The following PIK3CA variants were observed in gnomAD, a reference collection of about 807,000 sequenced individuals.
PIK3CA encodes the protein phosphatidylinositol-4,5-bisphosphate 3-kinase catalytic subunit alpha.
PIK3CA carries 27 observed loss-of-function variants against 138.2 expected under a neutral mutation model. That is an observed-to-expected ratio of 0.20 (90% CI 0.14 to 0.27). PIK3CA has a LOEUF of 0.27. PIK3CA is among the 10% of genes least tolerant of loss of function. PIK3CA has a pLI of 1.00. For missense variants in PIK3CA, 544 were observed against 1,277.4 expected (o/e 0.43, Z 8.75); for synonymous variants, 358 against 413.2 (o/e 0.87, Z 1.62).
At chr3:179,201,820 A>G in intron 4 of PIK3CA, among the ~76,000 whole-genome samples, 1 of 151,980 alleles carries the variant, frequency 6.6e-6, no homozygotes, top group Non-Finnish European at 1.5e-5. Context: ...GTTATCTAGG[A>G]TAGTCTTGAT....
chr3:179,211,601 A>C (rs1724712933), intron 9 of PIK3CA, among the ~76,000 whole-genome samples: 1 of 152,186 alleles, frequency 6.6e-6, no homozygotes, highest in Non-Finnish European at 1.5e-5. Flanking sequence ...CGGGAGGCAG[A>C]GGTTGCAGTG....
chr3:179,182,178 A>G (rs1723864090), intron 1 of PIK3CA, among the ~76,000 whole-genome samples: 1 of 149,954 alleles, frequency 6.7e-6, no homozygotes. Flanking sequence ...CTCATGAATC[A>G]TAACATGTGA....
chr3:179,212,948 T>C (rs988191300), intron 9 of PIK3CA, among the ~76,000 whole-genome samples: 1 of 152,206 alleles, frequency 6.6e-6, no homozygotes, highest in African/African-American at 2.4e-5. Context: ...CATTTGTAGT[T>C]AAGTTTTTGG....
At chr3:179,161,184 A>G (rs1342930501) in intron 1 of PIK3CA, among the ~76,000 whole-genome samples, 1 of 152,190 alleles carries the variant, frequency 6.6e-6, no homozygotes, top group Non-Finnish European at 1.5e-5. Flanking sequence ...TAGGACAAAA[A>G]TTGGGTGTTT....
chr3:179,235,737 C>A lies in PIK3CA; in HGVS notation c.*1373C>A, dbSNP rs1014013080. 4.8e-6 allele frequency: 1 copy of A among 208,748 alleles called. No individual in the cohort carries two copies. Among genetic ancestry groups the A allele is most frequent in the African/African-American group, 2.3e-5 (1 of 44,024 alleles). The allele number at this position is 208,748 out of a possible 1,614,324, so 12.9% of individuals were successfully genotyped here. On this transcript the variant is annotated 3_prime_UTR_variant, in exon 21 of 21. Coordinates refer to ENST00000263967, the MANE Select transcript of PIK3CA (RefSeq NM_006218.4). ...ACCTTTTTAAACTATTTATCCATAT[C>A]TCCAAAGTAGAACATTAAACCATTT...
intron 1 of PIK3CA, among the ~76,000 whole-genome samples, chr3:179,178,340 C>T (rs1027734435): frequency 6.7e-6 from 1 of 150,332 alleles, no homozygotes; most frequent in African/African-American, 2.4e-5. Context: ...GCAAAAGACT[C>T]GAGCAGACAT....
chr3:179,171,994 T>C (rs1160143280), intron 1 of PIK3CA, among the ~76,000 whole-genome samples: 2 of 152,076 alleles, frequency 1.3e-5, no homozygotes, highest in Non-Finnish European at 2.9e-5. Flanking sequence ...AGCAAAATAT[T>C]AGCATGTTTA....
Position 179,229,427 on chromosome 3 carries a change from A to G in PIK3CA, c.2651A>G (p.Lys884Arg), listed in dbSNP as rs1395235750. ...ACACTACATCAGTGGCTCAAAGACAAGAACAAAGGAGAAATGTGAGTTGTA... is the reference window on the plus strand; with the variant it reads ...ACACTACATCAGTGGCTCAAAGACAGGAACAAAGGAGAAATGTGAGTTGTA... ...SHTLHQWLKDKNKGEIYDAAI... is the reference protein window; with the variant it reads ...SHTLHQWLKDRNKGEIYDAAI... The change falls in exon 18 of 21, where the codon AAG (lysine) becomes AGG (arginine). Residue 884 changes from lysine (K) to arginine (R), a missense_variant. This residue lies in a region of PIK3CA where 72 missense variants were observed against 271.8 expected (regional missense o/e 0.26). Transcript: ENST00000263967. 3 of 1,609,658 alleles carry G rather than the reference A, an allele frequency of 1.9e-6. No homozygotes were observed. The highest frequency in any genetic ancestry group is 2.5e-6 in the Non-Finnish European group (3 of 1,178,570).
At chr3:179,156,642 G>A (rs1215387229) in intron 1 of PIK3CA, among the ~76,000 whole-genome samples, 1 of 152,022 alleles carries the variant, frequency 6.6e-6, no homozygotes, top group Non-Finnish European at 1.5e-5. Context: ...TTATGCTATT[G>A]ATTTATTGTT....
rs186076493 is a variant in PIK3CA, at chr3:179,210,464, T to C, written c.1438T>C (p.Phe480Leu). The change falls in exon 9 of 21, where the codon TTC (phenylalanine) becomes CTC (leucine). Residue 480 changes from phenylalanine to leucine, a missense_variant. Around this residue, in one of 14 missense-constraint regions of PIK3CA, gnomAD observed 52 missense variants for 83.4 expected, o/e 0.62. Coordinates refer to ENST00000263967, the MANE Select transcript of PIK3CA (RefSeq NM_006218.4). ...TPCLELEFDW[F>L]SSVVKFPDMS... ...ATGCTTAGAGTTGGAGTTTGACTGG[T>C]TCAGCAGTGTGGTAAAGTTCCCAGA... 3.7e-6 allele frequency: 6 copies of C among 1,614,108 alleles called. No homozygotes were observed. In the Admixed American group the frequency reaches 1.0e-4, roughly 27 times the overall value.
chr3:179,232,657 T>C (rs1451931204), intron 20 of PIK3CA, among the ~76,000 whole-genome samples: 1 of 152,026 alleles, frequency 6.6e-6, no homozygotes, highest in Non-Finnish European at 1.5e-5. Flanking sequence ...ATGGTGACAG[T>C]GTTTTGTAGT....
At chr3:179,163,085 A>G (rs563890227) in intron 1 of PIK3CA, among the ~76,000 whole-genome samples, 6 of 152,322 alleles carry the variant, frequency 3.9e-5, no homozygotes, top group African/African-American at 1.4e-4. Context: ...GATCCCAGAA[A>G]CACTCTAAAT....
At chr3:179,207,909 A>G (rs1724611089) in intron 6 of PIK3CA, among the ~76,000 whole-genome samples, 1 of 152,098 alleles carries the variant, frequency 6.6e-6, no homozygotes, top group South Asian at 2.1e-4. Flanking sequence ...GCATGGTAGT[A>G]TGCGCCTGAA....
At chr3:179,186,529 A>T (rs1224136950) in intron 1 of PIK3CA, among the ~76,000 whole-genome samples, 1 of 152,218 alleles carries the variant, frequency 6.6e-6, no homozygotes, top group Non-Finnish European at 1.5e-5. Context: ...TAATAAATCC[A>T]TCAATCAAGA....
At chr3:179,210,076 T>A in intron 7 of PIK3CA, 110 bp from the exon 8 acceptor site, 1 of 762,326 alleles carries the variant, frequency 1.3e-6, no homozygotes. Context: ...TTTTTTTAGA[T>A]ATTCCCATTA....
intron 1 of PIK3CA, among the ~76,000 whole-genome samples, chr3:179,170,422 C>T (rs1043453265): frequency 6.6e-5 from 10 of 152,250 alleles, no homozygotes; most frequent in South Asian, 4.1e-4. Flanking sequence ...TATAGAAATA[C>T]GTTTGTTCAT....
At chr3:179,188,519 A>AG (rs1724049290) in intron 1 of PIK3CA, among the ~76,000 whole-genome samples, 1 of 152,178 alleles carries the variant, frequency 6.6e-6, no homozygotes, top group African/African-American at 2.4e-5. Context: ...ATCATTATTT[A>AG]CCAATACAGT....
chr3:179,224,904 A>G (rs1725048472), intron 16 of PIK3CA, 83 bp downstream of exon 16: 5 of 948,238 alleles, frequency 5.3e-6, no homozygotes, highest in Non-Finnish European at 7.9e-6. Context: ...CATGAAAACT[A>G]CTGAAAGCCA....
chr3:179,154,539 C>G (rs988814999), intron 1 of PIK3CA, among the ~76,000 whole-genome samples: 2 of 152,152 alleles, frequency 1.3e-5, no homozygotes, highest in Non-Finnish European at 1.5e-5. Flanking sequence ...AGTTGGGGAC[C>G]ACTGGCCTAA....
Sources: gnomAD v4.1 joint callset for allele counts (sites outside exome capture counted in the v4.1 genomes callset) on GRCh38, gnomAD v4.1.1 for gene constraint, gnomAD v4.1.1 regional missense constraint, MANE v1.5 for transcripts, NCBI Gene and HGNC (gene_info 2026-07-23, HGNC 2026-07-21) for gene names.